EPHB2: variants seen among roughly 807,000 people sequenced by gnomAD.
EPHB2 encodes the protein EPH receptor B2.
A neutral mutation model predicts 96.4 loss-of-function variants in EPHB2; 18 were observed. The observed-to-expected ratio is 0.19, with a 90% CI of 0.13 to 0.28. EPHB2 has a LOEUF of 0.28. Ranked by LOEUF, EPHB2 falls within the 10% of genes least tolerant of loss-of-function variation. The pLI is 1.00. For missense variants in EPHB2, 989 were observed against 1,355.4 expected (o/e 0.73, Z 4.25); for synonymous variants, 506 against 534.1 (o/e 0.95, Z 0.72).
rs1379767198 is a variant in EPHB2 at position 22,916,801 on chromosome 1, G to C, written c.*3231G>C. 1 of 152,302 alleles carries C rather than the reference G, an allele frequency of 6.6e-6. No homozygotes were observed. The highest frequency in any genetic ancestry group is 1.5e-5 in the Non-Finnish European group (1 of 68,172). The allele number at this position is 152,302 out of a possible 1,614,324, so 9.4% of individuals were successfully genotyped here. A position where few individuals can be genotyped will look rare whatever the true frequency, so the allele number is the denominator to read the frequency against. On this transcript the variant is annotated 3_prime_UTR_variant, in exon 16 of 16. Coordinates refer to ENST00000374630, the MANE Select transcript of EPHB2 (RefSeq NM_017449.5). The surrounding 1 kb of genome is among the most constrained non-coding windows in gnomAD (Gnocchi z 4.2). The stretch of plus-strand genomic sequence containing the variant: ...CACAGGCCAGGGCACCGTGGAAATG[G>C]GGACCAGCTGCTCTGGGAGGGTGCA...
intron 3 of EPHB2, among the ~76,000 whole-genome samples, chr1:22,845,694 TTCTC>T (rs998888415): frequency 2.0e-5 from 3 of 151,892 alleles, no homozygotes; most frequent in Admixed American, 6.6e-5. Context: ...TCTGCTTTGA[TTCTC>T]TCTCTCTCTT....
intron 3 of EPHB2, among the ~76,000 whole-genome samples, chr1:22,839,531 C>T (rs1645435162): frequency 6.6e-6 from 1 of 152,086 alleles, no homozygotes; most frequent in Non-Finnish European, 1.5e-5. Context: ...ATACACAAAT[C>T]CCTGTGGGAA....
At chr1:22,853,089 G>T (rs1405905614) in intron 3 of EPHB2, among the ~76,000 whole-genome samples, 1 of 152,226 alleles carries the variant, frequency 6.6e-6, no homozygotes, top group Non-Finnish European at 1.5e-5. Flanking sequence ...GGTGGCTCAT[G>T]CCTGTAATCC....
intron 7 of EPHB2, among the ~76,000 whole-genome samples, chr1:22,893,613 T>C (rs1639461973): frequency 6.6e-6 from 1 of 152,210 alleles, no homozygotes; most frequent in Non-Finnish European, 1.5e-5. Flanking sequence ...GTTTAAAGAA[T>C]GTGGGCTCTG....
chr1:22,890,576 C>A (rs959019830), intron 6 of EPHB2, among the ~76,000 whole-genome samples: 1 of 152,150 alleles, frequency 6.6e-6, no homozygotes, highest in African/African-American at 2.4e-5. Context: ...ATTCCAGTGA[C>A]CCCCACTCAC....
chr1:22,837,303 G>A (rs571587534), intron 3 of EPHB2, among the ~76,000 whole-genome samples: 10 of 152,264 alleles, frequency 6.6e-5, no homozygotes, highest in South Asian at 4.2e-4. Flanking sequence ...TTCCACAGTC[G>A]GGGAGAGAGA....
In EPHB2 at chr1:22,896,594, T is replaced by C. The variant is rs2124010046; in HGVS notation, c.1765+116T>C. ...CATGCTGCAGGCAGACAATGTCAAG[T>C]GGTTGCCTGGTTGCACTAAGCTCAC... On this transcript the variant is annotated intron_variant, in intron 9 of 15. Transcript: ENST00000374630. 4 of 1,363,762 alleles carry C rather than the reference T, an allele frequency of 2.9e-6. 1 individual carries two copies. The South Asian group carries it at 4.8e-5, about 16-fold the overall frequency. 84.5% of individuals were successfully genotyped at this position (1,363,762 alleles called of 1,614,324 possible).
intron 1 of EPHB2, among the ~76,000 whole-genome samples, chr1:22,773,406 C>T (rs918743555): frequency 2.0e-5 from 3 of 152,196 alleles, no homozygotes; most frequent in Admixed American, 2.0e-4. Flanking sequence ...CCCACCAGCC[C>T]CAGACAGGGT....
In EPHB2 at chr1:22,782,616, C is replaced by T. The variant is rs376084719; in HGVS notation, c.126+1131C>T. Among the ~76,000 whole-genome samples, 14 of 151,842 alleles carry T rather than the reference C, an allele frequency of 9.2e-5. 1 individual carries two copies. The highest frequency in any genetic ancestry group is 6.2e-4 in the South Asian group (3 of 4,822). On this transcript the variant is annotated intron_variant, in intron 2 of 15. Transcript: ENST00000374630. ...AGGCCAGGCTGGGCTGCAGGGCCCC[C>T]GGACGCAATTATTTGGGGTGTTTAG...
intron 9 of EPHB2, among the ~76,000 whole-genome samples, chr1:22,898,824 T>C (rs1244662371): frequency 6.6e-6 from 1 of 152,148 alleles, no homozygotes; most frequent in South Asian, 2.1e-4. Flanking sequence ...CAGGACTGGA[T>C]GTGGATACGT....
rs1391962603 is a variant in EPHB2 at position 22,901,759 on chromosome 1, ACCCCACTTCTG to A, written c.1766-4225_1766-4215del. Among the ~76,000 whole-genome samples, 10 of 151,510 alleles carry A rather than the reference ACCCCACTTCTG, an allele frequency of 6.6e-5. No individual in the cohort carries two copies. The East Asian group carries it at 1.9e-3, about 29-fold the overall frequency. ...GACTCTGTAGCCGGCCTGGGTTCAA[ACCCCACTTCTG>A]CCATTTATTAGCTGTTTTGATGTCA... On this transcript the variant is annotated intron_variant, in intron 9 of 15. Transcript: ENST00000374630.
chr1:22,731,661 CA>C (rs777873226), intron 1 of EPHB2, among the ~76,000 whole-genome samples: 39 of 152,106 alleles, frequency 2.6e-4, no homozygotes, highest in Admixed American at 9.8e-4. Context: ...AACAGCCTGT[CA>C]AACCCCATCT....
intron 5 of EPHB2, among the ~76,000 whole-genome samples, chr1:22,866,863 G>A (rs1638496442): frequency 6.6e-6 from 1 of 152,182 alleles, no homozygotes; most frequent in Admixed American, 6.5e-5. Context: ...GAACCCGGGA[G>A]GTGAATGTTG....
chr1:22,901,814 T>A (rs533999048), intron 9 of EPHB2, among the ~76,000 whole-genome samples: 6 of 127,858 alleles, frequency 4.7e-5, no homozygotes, highest in African/African-American at 2.0e-4. Context: ...CGTGTGTGTG[T>A]GTGTGAGTGT....
intron 3 of EPHB2, among the ~76,000 whole-genome samples, chr1:22,857,367 G>T (rs1645716132): frequency 6.6e-6 from 1 of 152,198 alleles, no homozygotes; most frequent in East Asian, 1.9e-4. Flanking sequence ...TGGAGGGCAG[G>T]CCGCCTAAAA....
chr1:22,805,144 G>A (rs951348553), intron 3 of EPHB2, among the ~76,000 whole-genome samples: 2 of 151,600 alleles, frequency 1.3e-5, no homozygotes, highest in African/African-American at 4.9e-5. Context: ...TGCAGGTACG[G>A]GATGAGCCAT....
At position 22,913,334 on chromosome 1, in the gene EPHB2, C is replaced by T; in HGVS notation, c.2853-128C>T. 5 of 1,262,340 alleles carry T rather than the reference C, an allele frequency of 4.0e-6. No homozygotes were observed. Among genetic ancestry groups the T allele is most frequent in the Non-Finnish European group, 5.6e-6 (5 of 889,008 alleles). 78.2% of individuals were successfully genotyped at this position (1,262,340 alleles called of 1,614,324 possible). A position where few individuals can be genotyped will look rare whatever the true frequency, so the allele number is the denominator to read the frequency against. On this transcript the variant is annotated intron_variant, in intron 15 of 15. Transcript: ENST00000374630. The surrounding 1 kb of genome is among the most constrained non-coding windows in gnomAD (Gnocchi z 4.1). ...TCCAGCTGTGGCTGCCTGCCCACTC[C>T]CCACTCCCCACTCCCCAGTACTCCT...
chr1:22,901,814 T>TGTGA (rs1639758011), intron 9 of EPHB2, among the ~76,000 whole-genome samples: 2 of 127,740 alleles, frequency 1.6e-5, no homozygotes, highest in African/African-American at 6.7e-5. Context: ...CGTGTGTGTG[T>TGTGA]GTGTGAGTGT....
chr1:22,817,201 T>C (rs1645087336), intron 3 of EPHB2, among the ~76,000 whole-genome samples: 1 of 152,246 alleles, frequency 6.6e-6, no homozygotes. Flanking sequence ...GTAGCTTTGA[T>C]GGGACCACCT....
Sources: gnomAD v4.1 joint callset for allele counts (sites outside exome capture counted in the v4.1 genomes callset) on GRCh38, gnomAD v4.1.1 for gene constraint, Gnocchi (gnomAD v3.1) non-coding constraint, MANE v1.5 for transcripts, NCBI Gene and HGNC (gene_info 2026-07-23, HGNC 2026-07-21) for gene names.